The following GPR158 variants were observed in gnomAD, a reference collection of about 807,000 sequenced individuals.
GPR158 encodes the protein metabotropic glycine receptor.
A neutral mutation model predicts 78.2 loss-of-function variants in GPR158; 30 were observed. That is an observed-to-expected ratio of 0.38 (90% CI 0.29 to 0.52). The LOEUF is 0.52. GPR158 is among the 20% of genes least tolerant of loss of function. The pLI, the probability that GPR158 is intolerant of heterozygous loss-of-function variation, is 0.83. For synonymous variants in GPR158, 581 were observed against 591.1 expected (o/e 0.98, Z 0.25); for missense variants, 1,463 against 1,523.5 (o/e 0.96, Z 0.66).
chr10:25,560,111 A>G (rs1836842066), intron 6 of GPR158, among the ~76,000 whole-genome samples: 1 of 152,220 alleles, frequency 6.6e-6, no homozygotes, highest in South Asian at 2.1e-4. Context: ...AGCTATAAAT[A>G]TGAGCAGTCA....
chr10:25,369,313 A>G (rs1833954084), intron 2 of GPR158, among the ~76,000 whole-genome samples: 1 of 150,218 alleles, frequency 6.7e-6, no homozygotes, highest in Non-Finnish European at 1.5e-5. Context: ...TTTGTCATAG[A>G]TAGCTCTTAT....
chr10:25,369,625 TTC>T (rs1282726858), intron 2 of GPR158, among the ~76,000 whole-genome samples: 1 of 151,856 alleles, frequency 6.6e-6, no homozygotes, highest in East Asian at 1.9e-4. Context: ...TGGTCTAAAA[TTC>T]TCTTTTTTGG....
At chr10:25,521,261 G>A (rs978869786) in intron 5 of GPR158, among the ~76,000 whole-genome samples, 3 of 152,180 alleles carry the variant, frequency 2.0e-5, no homozygotes, top group Non-Finnish European at 4.4e-5. Context: ...TGCGCCCACT[G>A]TCTGGCACTC....
At chr10:25,403,044 C>A (rs921483767) in intron 3 of GPR158, among the ~76,000 whole-genome samples, 1 of 151,582 alleles carries the variant, frequency 6.6e-6, no homozygotes, top group African/African-American at 2.4e-5. Flanking sequence ...AGGCAAATGT[C>A]TGTATATATC....
chr10:25,253,939 A>G (rs908334295), intron 2 of GPR158, among the ~76,000 whole-genome samples: 10 of 152,234 alleles, frequency 6.6e-5, no homozygotes, highest in Non-Finnish European at 1.2e-4. Flanking sequence ...AAAAGGTTCT[A>G]TTCTTGGTAT....
At chr10:25,591,411 C>CT (rs1837339129) in intron 8 of GPR158, among the ~76,000 whole-genome samples, 1 of 152,132 alleles carries the variant, frequency 6.6e-6, no homozygotes, top group South Asian at 2.1e-4. Flanking sequence ...AGCCTTACTA[C>CT]TTTGCTGTAA....
intron 4 of GPR158, among the ~76,000 whole-genome samples, chr10:25,465,040 T>A (rs1835404053): frequency 6.6e-6 from 1 of 152,200 alleles, no homozygotes; most frequent in African/African-American, 2.4e-5. Context: ...CCCTGAGTTT[T>A]TTTTTGAGGG....
chr10:25,424,858 G>A lies in GPR158; in HGVS notation c.1335+12385G>A, dbSNP rs567055400. Among the ~76,000 whole-genome samples, 12 of 152,264 alleles carry A rather than the reference G, an allele frequency of 7.9e-5. No individual in the cohort carries two copies. The South Asian group carries it at 2.3e-3, about 29-fold the overall frequency. ...GTTCTTTTTGCTTAGGATTATCTTG[G>A]CAATGCGGGCTCTTTTTTGGTTCCA... is the stretch of plus-strand genomic sequence containing the variant. On this transcript the variant is annotated intron_variant, in intron 4 of 10. Transcript: ENST00000376351.
chr10:25,540,187 A>G (rs1361808084), intron 5 of GPR158, among the ~76,000 whole-genome samples: 1 of 152,042 alleles, frequency 6.6e-6, no homozygotes, highest in Admixed American at 6.5e-5. Flanking sequence ...AAGACACATG[A>G]AAAAATGCTC....
intron 1 of GPR158, among the ~76,000 whole-genome samples, chr10:25,211,366 G>A (rs911254101): frequency 6.6e-6 from 1 of 152,164 alleles, no homozygotes; most frequent in Non-Finnish European, 1.5e-5. Context: ...CGGAGGCCAG[G>A]AAGTCCATTG....
intron 2 of GPR158, among the ~76,000 whole-genome samples, chr10:25,310,746 TTTA>T (rs1172638336): frequency 6.6e-6 from 1 of 152,046 alleles, no homozygotes; most frequent in Non-Finnish European, 1.5e-5. Flanking sequence ...TGAAGTGAAA[TTTA>T]TTATTTTTCT....
At chr10:25,455,032 CTTT>C (rs1296271959) in intron 4 of GPR158, among the ~76,000 whole-genome samples, 1 of 152,126 alleles carries the variant, frequency 6.6e-6, no homozygotes, top group Non-Finnish European at 1.5e-5. Context: ...AAACCCACTT[CTTT>C]ATTTCTAGCC....
At chr10:25,490,977 T>C (rs1436947978) in intron 5 of GPR158, among the ~76,000 whole-genome samples, 2 of 151,866 alleles carry the variant, frequency 1.3e-5, no homozygotes, top group Admixed American at 1.3e-4. Context: ...ATGTTTATAG[T>C]GAAAATTTGT....
chr10:25,353,509 G>T (rs1195533926), intron 2 of GPR158, among the ~76,000 whole-genome samples: 1 of 151,744 alleles, frequency 6.6e-6, no homozygotes, highest in Non-Finnish European at 1.5e-5. Context: ...TGGGATCAAA[G>T]CCTAAAAGTG....
chr10:25,416,327 G>A (rs565240917), intron 4 of GPR158, among the ~76,000 whole-genome samples: 4 of 152,124 alleles, frequency 2.6e-5, no homozygotes, highest in South Asian at 2.1e-4. Flanking sequence ...ACATGCAATC[G>A]CAGATATTTC....
At chr10:25,466,795 C>T in intron 5 of GPR158, 76 bp downstream of exon 5, 1 of 665,536 alleles carries the variant, frequency 1.5e-6, no homozygotes, top group Non-Finnish European at 2.5e-6. Flanking sequence ...TTTACACACA[C>T]ACACACACAC....
rs1200356173 is a variant in GPR158 at position 25,599,191 on chromosome 10, G to A, written c.3565G>A (p.Ala1189Thr). ...PAQPNAGRSVALPASSALSAN... is the reference protein window; with the variant it reads ...PAQPNAGRSVTLPASSALSAN... ...TCAACCAAATGCTGGAAGAAGTGTA[G>A]CTTTACCTGCCTCTTCTGCTCTAAG... is the stretch of plus-strand genomic sequence containing the variant. The change falls in exon 11 of 11, where the codon GCT (alanine) becomes ACT (threonine). Residue 1189 changes from alanine to threonine, a missense_variant. By Grantham distance (58) the Ala-to-Thr change is moderately conservative. Transcript: ENST00000376351. 5 of 1,611,640 alleles carry A rather than the reference G, an allele frequency of 3.1e-6. No homozygotes were observed. The highest frequency in any genetic ancestry group is 4.2e-6 in the Non-Finnish European group (5 of 1,179,830).
At position 25,341,870 on chromosome 10, in the gene GPR158, A is replaced by G. The variant is rs1015026576; in HGVS notation, c.1009-54041A>G. 3.9e-5 allele frequency among the ~76,000 whole-genome samples: 6 copies of G among 152,020 alleles called. 1 individual carries two copies. The highest frequency in any genetic ancestry group is 1.4e-4 in the African/African-American group (6 of 41,526). On this transcript the variant is annotated intron_variant, in intron 2 of 10. Coordinates refer to ENST00000376351, the MANE Select transcript of GPR158 (RefSeq NM_020752.3). ...AACAAAAACAAAAAAAAACAGAGCA[A>G]ATGAAAATCTAAGAATATGAAGGAC... is the stretch of plus-strand genomic sequence containing the variant.
At chr10:25,190,991 G>A (rs866006462) in intron 1 of GPR158, among the ~76,000 whole-genome samples, 1 of 152,178 alleles carries the variant, frequency 6.6e-6, no homozygotes, top group East Asian at 1.9e-4. Context: ...GATTTTTCTG[G>A]ATAAGGTAAA....
Sources: gnomAD v4.1 joint callset for allele counts (sites outside exome capture counted in the v4.1 genomes callset) on GRCh38, gnomAD v4.1.1 for gene constraint, MANE v1.5 for transcripts, NCBI Gene and HGNC (gene_info 2026-07-23, HGNC 2026-07-21) for gene names.